MACF1: variants seen among roughly 807,000 people sequenced by gnomAD.
MACF1 encodes the protein microtubule actin crosslinking factor 1.
In MACF1, 193 loss-of-function variants were observed where a neutral mutation model predicts 854.8. The observed-to-expected ratio is 0.23, with a 90% CI of 0.20 to 0.25. The LOEUF (loss-of-function observed/expected upper bound fraction) is 0.25. Ranked by LOEUF, MACF1 falls within the 10% of genes least tolerant of loss-of-function variation. The probability of loss-of-function intolerance (pLI) is 1.00; values close to 1 mark genes in which losing one functional copy is unlikely to be tolerated. For missense variants in MACF1, 7,722 were observed against 8,929.1 expected (o/e 0.86, Z 5.45); for synonymous variants, 3,185 against 3,226.7 (o/e 0.99, Z 0.44).
chr1:39,292,910 C>T lies in MACF1; in HGVS notation c.1992+67C>T, dbSNP rs537665682. On this transcript the variant is annotated intron_variant, in intron 17 of 100. Coordinates refer to ENST00000564288, the MANE Select transcript of MACF1 (RefSeq NM_001394062.1). ...TGGTTCCCCCCAATCAACTCTCTTC[C>T]GTAATTCAGAAATCTCCTGGTTTGG... The T allele has an allele frequency of 1.9e-4, 249 of 1,315,618 alleles. 3 individuals are homozygous for T. The South Asian group carries it at 3.1e-3, about 16-fold the overall frequency. The allele number at this position is 1,315,618 out of a possible 1,614,324, so 81.5% of individuals were successfully genotyped here. A position where few individuals can be genotyped will look rare whatever the true frequency, so the allele number is the denominator to read the frequency against.
intron 69 of MACF1, 142 bp downstream of exon 69, chr1:39,434,774 CAT>C (rs1643936057): frequency 9.0e-6 from 6 of 664,328 alleles, no homozygotes; most frequent in Non-Finnish European, 1.5e-5. Context: ...TTTCATAATA[CAT>C]AATCTGAATT....
At chr1:39,327,708 A>G (rs1646642712) in intron 36 of MACF1, among the ~76,000 whole-genome samples, 1 of 152,232 alleles carries the variant, frequency 6.6e-6, no homozygotes, top group Admixed American at 6.5e-5. Context: ...GTTGATAGCC[A>G]AAAGTTCTGG....
At chr1:39,441,923 T>G (rs1644127421) in intron 74 of MACF1, 29 bp from the exon 75 acceptor site, 1 of 1,554,894 alleles carries the variant, frequency 6.4e-7, no homozygotes, top group South Asian at 1.1e-5. Flanking sequence ...TCTGGTTGTT[T>G]TTGACTGTTT....
At chr1:39,292,102 C>T in intron 16 of MACF1, 64 bp downstream of exon 16, 1 of 1,584,772 alleles carries the variant, frequency 6.3e-7, no homozygotes. Flanking sequence ...AAGGACAGTA[C>T]ACACAATAAA....
rs545766907 is a variant in MACF1, at chr1:39,300,278, C to T, written c.2550C>T (p.Ile850=). The T allele has an allele frequency of 3.1e-6, 5 of 1,614,014 alleles. No individual in the cohort carries two copies. The highest frequency in any genetic ancestry group is 1.3e-5 in the African/African-American group (1 of 74,976). Residue 850 remains isoleucine (I), a synonymous_variant, in exon 22 of 101, where the codon ATC becomes ATT. Transcript: ENST00000564288. ...GTCTCGTTGGGAGATCAAAAACCAT[C>T]GTTCAGCTAAAACCACGCAGTCCAG... is the stretch of plus-strand genomic sequence containing the variant. ...VASLVGRSKT[I]VQLKPRSPDH... is the part of the protein sequence containing the mutation.
At chr1:39,381,058 T>A (rs932387004) in intron 55 of MACF1, among the ~76,000 whole-genome samples, 5 of 152,182 alleles carry the variant, frequency 3.3e-5, no homozygotes, top group Admixed American at 2.0e-4. Context: ...TTTTTTAATT[T>A]AATTAAATTT....
chr1:39,458,875 G>A lies in MACF1; in HGVS notation c.21197-211G>A, dbSNP rs189500230. The A allele has an allele frequency of 5.4e-4, 292 of 541,106 alleles. 1 individual carries two copies. The highest frequency in any genetic ancestry group is 4.8e-3 in the Middle Eastern group (10 of 2,086). The allele number at this position is 541,106 out of a possible 1,614,324, so 33.5% of individuals were successfully genotyped here. On this transcript the variant is annotated intron_variant, in intron 90 of 100. Transcript: ENST00000564288. ...CACTAAGGTAGGACAGAATTGCTTG[G>A]AGATATGTAGGCAGCAGGTAAGTAT...
intron 2 of MACF1, among the ~76,000 whole-genome samples, chr1:39,113,881 C>A (rs1329815670): frequency 2.0e-5 from 3 of 152,046 alleles, no homozygotes; most frequent in African/African-American, 7.2e-5. Context: ...ACCAAAAATA[C>A]AAAAATTAGC....
chr1:39,102,552 T>G, intron 2 of MACF1: 2 of 586,588 alleles, frequency 3.4e-6, no homozygotes, highest in South Asian at 4.4e-5. Context: ...GTCGGTTGGA[T>G]GGCCCTGAGG....
intron 2 of MACF1, among the ~76,000 whole-genome samples, chr1:39,185,749 A>G (rs1051795653): frequency 6.6e-6 from 1 of 152,156 alleles, no homozygotes; most frequent in Non-Finnish European, 1.5e-5. Context: ...CAGATAACTT[A>G]CTTCTTAGAG....
chr1:39,262,040 G>A (rs900896843), intron 6 of MACF1, among the ~76,000 whole-genome samples: 1 of 152,142 alleles, frequency 6.6e-6, no homozygotes, highest in African/African-American at 2.4e-5. Flanking sequence ...GCAGGAAAAT[G>A]TATTATTTAA....
chr1:39,250,050 C>A lies in MACF1; in HGVS notation c.208C>A (p.Arg70=). The A allele has an allele frequency of 2.5e-6, 4 of 1,613,506 alleles. No homozygotes were observed. The highest frequency in any genetic ancestry group is 3.4e-6 in the Non-Finnish European group (4 of 1,179,616). The stretch of plus-strand genomic sequence containing the variant: ...CATCAATGATCTTTATGAAGATCTG[C>A]GGGATGGCCATAACCTGATCTCTCT... The part of the protein sequence containing the change: ...KHINDLYEDL[R]DGHNLISLLE... Residue 70 remains arginine (R), a synonymous_variant, in exon 3 of 101, where the codon CGG becomes AGG. Coordinates refer to ENST00000564288, the MANE Select transcript of MACF1 (RefSeq NM_001394062.1).
At chr1:39,111,446 G>A (rs1642401407) in intron 2 of MACF1, among the ~76,000 whole-genome samples, 1 of 151,792 alleles carries the variant, frequency 6.6e-6, no homozygotes. Flanking sequence ...GCAGTGGTGC[G>A]AACTCGGCTC....
At chr1:39,350,016 G>A (rs1004656225) in intron 42 of MACF1, among the ~76,000 whole-genome samples, 9 of 152,156 alleles carry the variant, frequency 5.9e-5, no homozygotes, top group African/African-American at 1.9e-4. Flanking sequence ...GCCTTGTGAA[G>A]CACACAGTCT....
intron 90 of MACF1, 83 bp downstream of exon 90, chr1:39,458,573 T>A: frequency 6.8e-7 from 1 of 1,472,320 alleles, no homozygotes; most frequent in Non-Finnish European, 9.1e-7. Context: ...TCAAAAAAAA[T>A]TATATTCCAT....
chr1:39,291,443 A>G (rs1571278979), intron 15 of MACF1, among the ~76,000 whole-genome samples: 1 of 152,218 alleles, frequency 6.6e-6, no homozygotes, highest in African/African-American at 2.4e-5. Context: ...TTCCCCATGT[A>G]ACAATAAATA....
At position 39,130,218 on chromosome 1, in the gene MACF1, C is replaced by G. The variant is rs1289629680; in HGVS notation, c.220+45780C>G. On this transcript the variant is annotated intron_variant, in intron 2 of 93. Transcript: ENST00000361689. ...AGATGAAGATTACTGGTCCTTTGAA[C>G]AGAGTATAAATATAGCCAACACCCT... Among the ~76,000 whole-genome samples the G allele has an allele frequency of 2.0e-5, 3 of 152,164 alleles. 1 individual carries two copies. The highest frequency in any genetic ancestry group is 7.2e-5 in the African/African-American group (3 of 41,424).
Position 39,101,332 on chromosome 1 carries a change from G to A in MACF1, c.220+16894G>A, listed in dbSNP as rs1455249905. ...AGATCACACCATTGCACTCCAGCCTGGGTGACAGAGCCAGACTCTGTCTCA... is the reference window on the plus strand; with the variant it reads ...AGATCACACCATTGCACTCCAGCCTAGGTGACAGAGCCAGACTCTGTCTCA... On this transcript the variant is annotated intron_variant, in intron 2 of 93. Transcript: ENST00000361689. Among the ~76,000 whole-genome samples, 5 of 146,362 alleles carry A rather than the reference G, an allele frequency of 3.4e-5. No homozygotes were observed. In the Admixed American group the frequency reaches 3.5e-4, roughly 10 times the overall value.
intron 67 of MACF1, 37 bp from the exon 68 acceptor site, chr1:39,433,011 G>A (rs988831400): frequency 3.9e-6 from 5 of 1,293,382 alleles, no homozygotes; most frequent in Non-Finnish European, 5.5e-6. Context: ...CAGGAAAAGG[G>A]TCTTTTTACT....
Sources: gnomAD v4.1 joint callset for allele counts (sites outside exome capture counted in the v4.1 genomes callset) on GRCh38, gnomAD v4.1.1 for gene constraint, MANE v1.5 for transcripts, NCBI Gene and HGNC (gene_info 2026-07-23, HGNC 2026-07-21) for gene names.